SLC26A8: variants seen among roughly 807,000 people sequenced by gnomAD.
SLC26A8 encodes testis anion transporter 1.
A neutral mutation model predicts 105.0 loss-of-function variants in SLC26A8; 70 were observed. The ratio of observed to expected loss-of-function variants is 0.67; its 90% CI spans 0.55 to 0.81. The LOEUF (loss-of-function observed/expected upper bound fraction) is 0.81. SLC26A8 is among the 40% of genes least tolerant of loss of function. SLC26A8 has a pLI of 0.00. For missense variants in SLC26A8, 998 were observed against 1,181.8 expected, an observed-to-expected ratio of 0.84 and a Z score of 2.28; for synonymous variants, 415 against 438.3, an observed-to-expected ratio of 0.95 and a Z score of 0.66.
chr6:35,968,037 G>A (rs923148480), intron 11 of SLC26A8, among the ~76,000 whole-genome samples: 3 of 151,892 alleles, frequency 2.0e-5, no homozygotes, highest in Non-Finnish European at 2.9e-5. Context: ...TAGTAGAGAC[G>A]GGGTTTTGCC....
chr6:35,957,495 T>G (rs1037049094), intron 16 of SLC26A8, among the ~76,000 whole-genome samples: 3 of 152,112 alleles, frequency 2.0e-5, no homozygotes, highest in African/African-American at 7.2e-5. Context: ...GAGAGAGCTG[T>G]TCCCAAGGCT....
Position 35,960,669 on chromosome 6 carries a change from A to T in SLC26A8, c.1638+174T>A, listed in dbSNP as rs189215284. 2,934 of 671,534 alleles carry T rather than the reference A, an allele frequency of 4.4e-3. 13 individuals are homozygous for T. Among genetic ancestry groups the T allele is most frequent in the Non-Finnish European group, 5.6e-3 (2,222 of 395,892 alleles). The allele number at this position is 671,534 out of a possible 1,614,324, so 41.6% of individuals were successfully genotyped here. ...CAGAGCAAGACTCTGTCTCCAAAAA[A>T]AAAAATAAAAACAAAGAACCCATCT... On this transcript the variant is annotated intron_variant, in intron 14 of 19. Coordinates refer to ENST00000490799, the MANE Select transcript of SLC26A8 (RefSeq NM_052961.4).
intron 2 of SLC26A8, 49 bp downstream of exon 2, chr6:36,019,470 GT>G: frequency 6.4e-7 from 1 of 1,567,256 alleles, no homozygotes; most frequent in East Asian, 2.3e-5. Flanking sequence ...GTCAGGTTAG[GT>G]TTCAGTCCTG....
chr6:36,009,710 G>A (rs994301062), intron 3 of SLC26A8, among the ~76,000 whole-genome samples: 11 of 152,294 alleles, frequency 7.2e-5, no homozygotes, highest in African/African-American at 2.6e-4. Context: ...ACAGGAGGCA[G>A]GTAGTGGTGG....
intron 10 of SLC26A8, among the ~76,000 whole-genome samples, chr6:35,972,201 C>A (rs1200190248): frequency 2.0e-5 from 3 of 152,196 alleles, no homozygotes; most frequent in African/African-American, 7.2e-5. Context: ...TCAGAGCCAG[C>A]CCCATATTTC....
Position 35,967,143 on chromosome 6 carries a change from C to T in SLC26A8, c.1365+1734G>A, listed in dbSNP as rs78298897. 4.7e-3 allele frequency among the ~76,000 whole-genome samples: 721 copies of T among 152,306 alleles called. 4 individuals carry two copies. The highest frequency in any genetic ancestry group is 0.016 in the African/African-American group (649 of 41,554). ...TGTCAATTTTTACTAGTTCCACCCT[C>T]CTTGCATAGATTCCATGCCTTGGCT... On this transcript the variant is annotated intron_variant, in intron 11 of 19. Coordinates refer to ENST00000490799, the MANE Select transcript of SLC26A8 (RefSeq NM_052961.4).
chr6:35,959,632 G>A (rs903731637), intron 15 of SLC26A8, 41 bp from the exon 16 acceptor site: 1 of 1,608,982 alleles, frequency 6.2e-7, no homozygotes, highest in African/African-American at 1.3e-5. Context: ...AAGAATGGTG[G>A]AACAGAAGGT....
chr6:35,983,190 C>T (rs926145293), intron 7 of SLC26A8, among the ~76,000 whole-genome samples: 2 of 152,122 alleles, frequency 1.3e-5, no homozygotes, highest in Non-Finnish European at 2.9e-5. Context: ...AGGAAGTCTA[C>T]AGATTAGAAT....
intron 16 of SLC26A8, among the ~76,000 whole-genome samples, chr6:35,958,086 T>A (rs568966643): frequency 3.5e-4 from 54 of 152,326 alleles, no homozygotes; most frequent in African/African-American, 1.3e-3. Context: ...ATCCTCTTTT[T>A]TCCTACCCAA....
chr6:35,960,801 C>G (rs1232924017), intron 14 of SLC26A8, 42 bp downstream of exon 14: 1 of 1,592,220 alleles, frequency 6.3e-7, no homozygotes. Context: ...GGGGCCCACT[C>G]TATCCCTTAG....
intron 19 of SLC26A8, 21 bp downstream of exon 19, chr6:35,951,142 T>C: frequency 1.5e-6 from 2 of 1,331,124 alleles, no homozygotes; most frequent in Non-Finnish European, 2.0e-6. Flanking sequence ...CCCAACCTCA[T>C]GCTTTGTCGG....
At chr6:36,017,576 G>A (rs1762029819) in intron 2 of SLC26A8, among the ~76,000 whole-genome samples, 1 of 152,174 alleles carries the variant, frequency 6.6e-6, no homozygotes, top group Non-Finnish European at 1.5e-5. Flanking sequence ...GGGCTGCAGT[G>A]AGCAGAGATC....
intron 5 of SLC26A8, among the ~76,000 whole-genome samples, chr6:35,994,736 T>C (rs578165197): frequency 3.9e-5 from 6 of 152,154 alleles, no homozygotes; most frequent in South Asian, 2.1e-4. Flanking sequence ...GCACCACGCC[T>C]GGCTAATTTT....
chr6:35,998,092 T>A lies in SLC26A8; in HGVS notation c.446-173A>T, dbSNP rs17656461. 0.12 allele frequency among the ~76,000 whole-genome samples: 18,280 copies of A among 152,222 alleles called. 1,111 individuals carry two copies. The highest frequency in any genetic ancestry group is 0.15 in the Middle Eastern group (44 of 294). On this transcript the variant is annotated intron_variant, in intron 4 of 19. Transcript: ENST00000490799. ...CAAAAAAGAGAACTGTGTCTCCACA[T>A]ATTGTGACCAACTCATGGGATTTAG...
intron 3 of SLC26A8, among the ~76,000 whole-genome samples, chr6:36,001,756 T>C (rs1251452405): frequency 3.3e-5 from 5 of 152,202 alleles, no homozygotes; most frequent in African/African-American, 1.2e-4. Flanking sequence ...TTATTTTGTA[T>C]TGGGCCCAAC....
chr6:35,955,757 G>C (rs1772036878), intron 16 of SLC26A8, among the ~76,000 whole-genome samples: 4 of 151,964 alleles, frequency 2.6e-5, no homozygotes, highest in Admixed American at 2.6e-4. Context: ...CCCAACTTCT[G>C]ATGTTCATCA....
intron 3 of SLC26A8, among the ~76,000 whole-genome samples, chr6:36,005,561 A>G (rs2127362804): frequency 6.6e-6 from 1 of 152,324 alleles, no homozygotes; most frequent in Middle Eastern, 3.4e-3. Context: ...AAGGTTATAC[A>G]CTTTTGGCAA....
intron 5 of SLC26A8, among the ~76,000 whole-genome samples, chr6:35,994,446 G>A (rs549644794): frequency 9.9e-5 from 15 of 151,634 alleles, no homozygotes; most frequent in South Asian, 2.1e-4. Flanking sequence ...TGTCATTGCC[G>A]CCCAATGTTC....
chr6:35,997,020 AG>A (rs1761373693), intron 5 of SLC26A8, among the ~76,000 whole-genome samples: 1 of 151,766 alleles, frequency 6.6e-6, no homozygotes, highest in African/African-American at 2.4e-5. Context: ...GGGCAACAAG[AG>A]CAAAACTCCA....
Sources: gnomAD v4.1 joint callset for allele counts (sites outside exome capture counted in the v4.1 genomes callset) on GRCh38, gnomAD v4.1.1 for gene constraint, MANE v1.5 for transcripts, NCBI Gene and HGNC (gene_info 2026-07-23, HGNC 2026-07-21) for gene names.